CTNNA3: variants seen among roughly 807,000 people sequenced by gnomAD.
CTNNA3 encodes catenin alpha 3.
Under a neutral mutation model 95.7 loss-of-function variants are expected in CTNNA3, and 76 were observed. The observed-to-expected ratio is 0.79, with a 90% CI of 0.66 to 0.96. CTNNA3 has a LOEUF of 0.96. CTNNA3 is among the 40% of genes least tolerant of loss of function. CTNNA3 has a pLI of 0.00. For missense variants in CTNNA3, 1,191 were observed against 1,089.8 expected, an observed-to-expected ratio of 1.09 and a Z score of -1.31; for synonymous variants, 431 against 374.4, an observed-to-expected ratio of 1.15 and a Z score of -1.74.
At chr10:66,129,646 C>T (rs892377973) in intron 13 of CTNNA3, among the ~76,000 whole-genome samples, 5 of 152,108 alleles carry the variant, frequency 3.3e-5, no homozygotes, top group Non-Finnish European at 5.9e-5. Context: ...CCAGCCTGGC[C>T]GTGCCTGCTT....
intron 10 of CTNNA3, among the ~76,000 whole-genome samples, chr10:66,549,050 G>A (rs540524506): frequency 6.2e-4 from 77 of 123,666 alleles, no homozygotes; most frequent in African/African-American, 2.2e-3. Context: ...GCACAGTGGC[G>A]CAATCTCCGC....
At chr10:66,620,145 T>C (rs1442407729) in intron 10 of CTNNA3, among the ~76,000 whole-genome samples, 2 of 152,158 alleles carry the variant, frequency 1.3e-5, no homozygotes, top group East Asian at 3.9e-4. Context: ...AATTTGTTGA[T>C]AGAATGTCTT....
At chr10:65,945,662 T>A (rs2077504651) in intron 17 of CTNNA3, among the ~76,000 whole-genome samples, 1 of 152,210 alleles carries the variant, frequency 6.6e-6, no homozygotes, top group Admixed American at 6.5e-5. Context: ...AGATGCAGGA[T>A]GGAACTGGGG....
intron 3 of CTNNA3, among the ~76,000 whole-genome samples, chr10:67,559,837 A>C (rs577351158): frequency 6.6e-6 from 1 of 152,336 alleles, no homozygotes; most frequent in South Asian, 2.1e-4. Flanking sequence ...TTACGTGAAG[A>C]ATGCAGAAGC....
At chr10:66,928,317 G>A (rs1476252841) in intron 7 of CTNNA3, 2 of 1,614,048 alleles carry the variant, frequency 1.2e-6, no homozygotes, top group African/African-American at 1.3e-5. Flanking sequence ...AGAAAAGACA[G>A]TCCCTAAAGC....
At chr10:66,786,264 T>A (rs1055330518) in intron 7 of CTNNA3, among the ~76,000 whole-genome samples, 1 of 151,062 alleles carries the variant, frequency 6.6e-6, no homozygotes, top group Non-Finnish European at 1.5e-5. Context: ...TGGGGCACTG[T>A]TTTTTTTTCT....
chr10:67,208,375 T>C (rs560445593), intron 6 of CTNNA3, among the ~76,000 whole-genome samples: 2 of 111,638 alleles, frequency 1.8e-5, no homozygotes, highest in African/African-American at 8.7e-5. Flanking sequence ...CAAGACTCTG[T>C]CTCAAAAAAA....
At chr10:66,623,844 G>A (rs1844836978) in intron 9 of CTNNA3, among the ~76,000 whole-genome samples, 1 of 152,066 alleles carries the variant, frequency 6.6e-6, no homozygotes, top group African/African-American at 2.4e-5. Context: ...TTTCAAATTT[G>A]AATGATTTTA....
intron 9 of CTNNA3, among the ~76,000 whole-genome samples, chr10:66,631,235 T>G (rs1845123426): frequency 6.6e-6 from 1 of 152,312 alleles, no homozygotes; most frequent in South Asian, 2.1e-4. Flanking sequence ...AGGAACAGAT[T>G]GACTTCATTT....
intron 13 of CTNNA3, among the ~76,000 whole-genome samples, chr10:66,133,157 T>C (rs1054231944): frequency 6.6e-5 from 10 of 152,154 alleles, no homozygotes; most frequent in African/African-American, 2.4e-4. Context: ...TCTCCTATGT[T>C]AATATAGTTG....
At chr10:67,331,588 T>C (rs1841797697) in intron 5 of CTNNA3, among the ~76,000 whole-genome samples, 1 of 152,156 alleles carries the variant, frequency 6.6e-6, no homozygotes, top group Non-Finnish European at 1.5e-5. Context: ...GGCAGTTCTA[T>C]CACTCAGCTA....
chr10:66,360,675 CTTCCTTCCTTCCTTCCT>C, intron 12 of CTNNA3, among the ~76,000 whole-genome samples: 1 of 88,702 alleles, frequency 1.1e-5, no homozygotes, highest in Non-Finnish European at 2.4e-5. Context: ...TCCTTCCTTC[CTTCCTTCCTTCCTTCCT>C]TTTCTTTCTT....
intron 11 of CTNNA3, among the ~76,000 whole-genome samples, chr10:66,426,046 T>A (rs1196854022): frequency 6.6e-6 from 1 of 152,178 alleles, no homozygotes; most frequent in Non-Finnish European, 1.5e-5. Flanking sequence ...GAATAATTTG[T>A]ATCATATGAC....
intron 7 of CTNNA3, among the ~76,000 whole-genome samples, chr10:67,109,688 CA>C (rs1156619382): frequency 7.2e-5 from 11 of 152,010 alleles, no homozygotes; most frequent in Non-Finnish European, 1.5e-4. Flanking sequence ...ACTAAAAATA[CA>C]AAAATTGGCT....
At chr10:67,559,060 G>C (rs1841372495) in intron 3 of CTNNA3, among the ~76,000 whole-genome samples, 1 of 152,174 alleles carries the variant, frequency 6.6e-6, no homozygotes, top group South Asian at 2.1e-4. Flanking sequence ...CTGGGGGCAG[G>C]GCACAGACAA....
chr10:65,975,897 C>A (rs1003435444), intron 16 of CTNNA3, among the ~76,000 whole-genome samples: 2 of 152,044 alleles, frequency 1.3e-5, no homozygotes, highest in African/African-American at 4.8e-5. Flanking sequence ...ATTCTTCATT[C>A]TTAAGTATGG....
chr10:66,136,132 G>T lies in CTNNA3; in HGVS notation c.1885-32883C>A, dbSNP rs143342142. On this transcript the variant is annotated intron_variant, in intron 13 of 17. Transcript: ENST00000433211. ...TTAGCCAGGATGGTCTCGATCTCCTGACCTTGTGATCCGTCCTTCTCGGCC... is the reference window on the plus strand; with the variant it reads ...TTAGCCAGGATGGTCTCGATCTCCTTACCTTGTGATCCGTCCTTCTCGGCC... 4.3e-3 allele frequency among the ~76,000 whole-genome samples: 650 copies of T among 152,172 alleles called. 13 individuals carry two copies. The highest frequency in any genetic ancestry group is 0.032 in the East Asian group (166 of 5,164).
intron 1 of CTNNA3, among the ~76,000 whole-genome samples, chr10:67,742,122 T>G (rs139765457): frequency 6.6e-6 from 1 of 150,776 alleles, no homozygotes; most frequent in African/African-American, 2.4e-5. Flanking sequence ...AACAAGGATA[T>G]CCAGGAACTG....
chr10:66,944,225 A>G (rs1325353731), intron 7 of CTNNA3, among the ~76,000 whole-genome samples: 1 of 152,184 alleles, frequency 6.6e-6, no homozygotes, highest in Non-Finnish European at 1.5e-5. Flanking sequence ...AATATTCTAA[A>G]TCATTTGTTA....
Sources: gnomAD v4.1 joint callset for allele counts (sites outside exome capture counted in the v4.1 genomes callset) on GRCh38, gnomAD v4.1.1 for gene constraint, MANE v1.5 for transcripts, NCBI Gene and HGNC (gene_info 2026-07-23, HGNC 2026-07-21) for gene names.